Variants in PLA2R1 observed in about 807,000 individuals in gnomAD.
PLA2R1 encodes secretory phospholipase A2 receptor.
A neutral mutation model predicts 195.9 loss-of-function variants in PLA2R1; 158 were observed. That is an observed-to-expected ratio of 0.81 (90% confidence interval 0.71 to 0.92). PLA2R1 has a LOEUF of 0.92. Among genes scored for constraint, PLA2R1 ranks in the 40% least tolerant of loss-of-function variants. The probability of loss-of-function intolerance (pLI) is 0.00; values close to 1 mark genes in which losing one functional copy is unlikely to be tolerated. For synonymous variants in PLA2R1, 586 were observed against 598.2 expected (o/e 0.98, Z 0.30); for missense variants, 1,626 against 1,764.6 (o/e 0.92, Z 1.41).
At chr2:160,044,025 A>C (rs568996664) in intron 2 of PLA2R1, among the ~76,000 whole-genome samples, 1 of 152,258 alleles carries the variant, frequency 6.6e-6, no homozygotes, top group South Asian at 2.1e-4. Flanking sequence ...GCTATACAAA[A>C]ATGCGGGATG....
At chr2:159,996,450 T>A (rs559928032) in intron 11 of PLA2R1, among the ~76,000 whole-genome samples, 20 of 152,224 alleles carry the variant, frequency 1.3e-4, no homozygotes, top group Admixed American at 3.9e-4. Flanking sequence ...GTTTTTCCCC[T>A]CTGGCTTCTT....
At chr2:159,995,668 C>A (rs376390888) in intron 11 of PLA2R1, among the ~76,000 whole-genome samples, 1 of 152,014 alleles carries the variant, frequency 6.6e-6, no homozygotes, top group Non-Finnish European at 1.5e-5. Context: ...AGTTTCCATA[C>A]AAATTTCCTA....
chr2:159,943,131 G>C (rs1687183050), intron 28 of PLA2R1, among the ~76,000 whole-genome samples: 1 of 152,006 alleles, frequency 6.6e-6, no homozygotes, highest in Admixed American at 6.6e-5. Flanking sequence ...CATCACACCT[G>C]GCTAATTTTT....
chr2:160,031,908 G>A (rs904204492), intron 4 of PLA2R1, among the ~76,000 whole-genome samples: 16 of 151,964 alleles, frequency 1.1e-4, no homozygotes, highest in African/African-American at 3.6e-4. Flanking sequence ...CTGGGACTAC[G>A]GGTGCATGCC....
chr2:159,989,739 T>C (rs899797185), intron 11 of PLA2R1, among the ~76,000 whole-genome samples: 2 of 152,236 alleles, frequency 1.3e-5, no homozygotes, highest in Admixed American at 1.3e-4. Context: ...ATTATGCTTA[T>C]GGCCATTTTC....
chr2:160,055,392 T>C (rs1275894923), intron 1 of PLA2R1, among the ~76,000 whole-genome samples: 1 of 152,244 alleles, frequency 6.6e-6, no homozygotes, highest in Non-Finnish European at 1.5e-5. Context: ...ATTAGTAGAA[T>C]GGCTCATTGC....
intron 3 of PLA2R1, among the ~76,000 whole-genome samples, chr2:160,034,923 G>A (rs1221353501): frequency 6.6e-6 from 1 of 152,194 alleles, no homozygotes; most frequent in Non-Finnish European, 1.5e-5. Flanking sequence ...GACGCCACAA[G>A]TAGAAAATTC....
At chr2:159,987,777 C>G (rs1171837153) in intron 11 of PLA2R1, among the ~76,000 whole-genome samples, 2 of 152,136 alleles carry the variant, frequency 1.3e-5, no homozygotes, top group Non-Finnish European at 2.9e-5. Flanking sequence ...AGGTGAATAA[C>G]AGATTCAAGG....
rs979625312 is a variant in PLA2R1 at position 160,006,253 on chromosome 2, G to A, written c.1665-432C>T. Among the ~76,000 whole-genome samples the A allele has an allele frequency of 2.0e-5, 3 of 152,184 alleles. No individual in the cohort carries two copies. The East Asian group carries it at 5.8e-4, about 29-fold the overall frequency. On this transcript the variant is annotated intron_variant, in intron 10 of 29. Coordinates refer to ENST00000283243, the MANE Select transcript of PLA2R1 (RefSeq NM_007366.5). ...GGAAAGATATTATGCTTTTCTGAAT[G>A]AGCATTTACTAATACAGAGTTCACA...
intron 20 of PLA2R1, among the ~76,000 whole-genome samples, chr2:159,957,023 T>C (rs755207970): frequency 1.3e-5 from 2 of 151,868 alleles, no homozygotes; most frequent in Non-Finnish European, 1.5e-5. Context: ...ACAGCTTAGT[T>C]CAATTTTATT....
chr2:160,021,237 A>G (rs1341584656), intron 7 of PLA2R1, among the ~76,000 whole-genome samples: 1 of 152,212 alleles, frequency 6.6e-6, no homozygotes, highest in Non-Finnish European at 1.5e-5. Context: ...AAGAACTAAA[A>G]ATAGAACTAC....
intron 1 of PLA2R1, 60 bp downstream of exon 1, chr2:160,062,235 C>G (rs1696010919): frequency 7.8e-7 from 1 of 1,276,198 alleles, no homozygotes; most frequent in African/African-American, 1.6e-5. Flanking sequence ...TCCTCTCCTT[C>G]GACCACCCCG....
chr2:159,976,768 CA>C, intron 15 of PLA2R1, 48 bp from the exon 16 acceptor site: 1 of 1,475,992 alleles, frequency 6.8e-7, no homozygotes, highest in Non-Finnish European at 9.5e-7. Context: ...TTCTCAAGTG[CA>C]TTGTCTGTGA....
chr2:160,042,321 A>G (rs1694573835), intron 2 of PLA2R1, 123 bp from the exon 3 acceptor site: 1 of 720,060 alleles, frequency 1.4e-6, no homozygotes, highest in Non-Finnish European at 2.3e-6. Context: ...TCACTACAGC[A>G]GAGTGAGCCC....
intron 9 of PLA2R1, among the ~76,000 whole-genome samples, chr2:160,014,130 G>A (rs1318515724): frequency 2.6e-5 from 4 of 152,092 alleles, no homozygotes; most frequent in South Asian, 2.1e-4. Context: ...TAGTGGATCA[G>A]TTGGGCCTGA....
downstream of PLA2R1, among the ~76,000 whole-genome samples, chr2:159,930,069 T>C (rs369155484): frequency 7.2e-5 from 11 of 152,106 alleles, no homozygotes; most frequent in East Asian, 1.5e-3. Context: ...ATGATGGACT[T>C]TGGGGACTCA....
intron 9 of PLA2R1, among the ~76,000 whole-genome samples, chr2:160,015,274 T>A (rs1558930851): frequency 6.6e-6 from 1 of 152,246 alleles, no homozygotes; most frequent in East Asian, 1.9e-4. Context: ...TCTTTTGCTT[T>A]GAAATTATCA....
At chr2:159,997,316 C>T (rs949812479) in intron 11 of PLA2R1, among the ~76,000 whole-genome samples, 8 of 151,864 alleles carry the variant, frequency 5.3e-5, no homozygotes, top group African/African-American at 1.7e-4. Context: ...AGAGCTGGAG[C>T]GGGGTATTTC....
intron 10 of PLA2R1, among the ~76,000 whole-genome samples, chr2:160,010,717 C>T (rs918317627): frequency 2.6e-5 from 4 of 152,318 alleles, no homozygotes; most frequent in South Asian, 2.1e-4. Context: ...TGCAAAAATT[C>T]CAACGTGTAT....
Sources: allele counts gnomAD v4.1 joint callset (sites outside exome capture counted in the v4.1 genomes callset), GRCh38; gene constraint gnomAD v4.1.1; transcripts MANE v1.5; gene names NCBI Gene and HGNC (gene_info 2026-07-23, HGNC 2026-07-21).